The following SLCO2B1 variants were observed in gnomAD, a reference collection of about 807,000 sequenced individuals.
The protein encoded by SLCO2B1 is OATP-RP2.
A neutral mutation model predicts 67.3 loss-of-function variants in SLCO2B1; 41 were observed. That is an observed-to-expected ratio of 0.61 (90% CI 0.47 to 0.79). The LOEUF (loss-of-function observed/expected upper bound fraction) is 0.79, where lower values mean the gene tolerates loss of function less well. Ranked by LOEUF, SLCO2B1 falls within the 30% of genes least tolerant of loss-of-function variation. SLCO2B1 has a pLI of 0.00. For missense variants in SLCO2B1, 837 were observed against 920.1 expected, an observed-to-expected ratio of 0.91 and a Z score of 1.17; for synonymous variants, 379 against 381.4, an observed-to-expected ratio of 0.99 and a Z score of 0.07.
intron 6 of SLCO2B1, among the ~76,000 whole-genome samples, chr11:75,170,561 C>T (rs1342678344): frequency 6.6e-6 from 1 of 152,206 alleles, no homozygotes; most frequent in African/African-American, 2.4e-5. Context: ...CCATTCTCAC[C>T]TGCAGACTTT....
intron 1 of SLCO2B1, among the ~76,000 whole-genome samples, chr11:75,158,050 T>C (rs890277924): frequency 6.6e-6 from 1 of 152,170 alleles, no homozygotes; most frequent in African/African-American, 2.4e-5. Context: ...TTTTAGTTTT[T>C]ATTATATTGA....
intron 4 of SLCO2B1, 56 bp downstream of exon 4, chr11:75,166,005 GC>G: frequency 6.4e-7 from 1 of 1,559,336 alleles, no homozygotes. Context: ...ATTGCTTTGC[GC>G]TGGGGCCCAC....
At chr11:75,153,520 GC>G (rs1949714469) in intron 1 of SLCO2B1, among the ~76,000 whole-genome samples, 1 of 152,210 alleles carries the variant, frequency 6.6e-6, no homozygotes, top group Non-Finnish European at 1.5e-5. Flanking sequence ...GTGGAGGCCA[GC>G]CCCCAGGTCT....
chr11:75,169,883 T>C, intron 6 of SLCO2B1, 119 bp downstream of exon 6: 1 of 711,082 alleles, frequency 1.4e-6, no homozygotes, highest in South Asian at 1.7e-5. Context: ...CTTGGGCAAG[T>C]CTCTTAGCCT....
intron 7 of SLCO2B1, among the ~76,000 whole-genome samples, chr11:75,178,384 G>T (rs757439066): frequency 2.0e-5 from 3 of 152,188 alleles, no homozygotes; most frequent in African/African-American, 7.2e-5. Flanking sequence ...CTTGTTCTTG[G>T]CATCTTTCTC....
chr11:75,169,343 C>A lies in SLCO2B1; in HGVS notation c.619C>A (p.Gln207Lys). 1 of 1,613,922 alleles carries A rather than the reference C, an allele frequency of 6.2e-7. No homozygotes were observed. The highest frequency in any genetic ancestry group is 1.1e-5 in the South Asian group (1 of 91,082). ...GCTGGGCGTGGGCGGGGTGCCCATT[C>A]AGCCCTTTGGCATCTCCTACATCGA... is the stretch of plus-strand genomic sequence containing the variant. ...TLLGVGGVPI[Q>K]PFGISYIDDF... The change falls in exon 5 of 14, where the codon CAG becomes AAG. Residue 207 changes from glutamine to lysine, a missense_variant. Physicochemically the swap from Gln to Lys is moderately conservative, Grantham distance 53. Coordinates refer to ENST00000289575, the MANE Select transcript of SLCO2B1 (RefSeq NM_007256.5).
At chr11:75,170,933 C>T (rs1462576681) in intron 6 of SLCO2B1, among the ~76,000 whole-genome samples, 3 of 152,104 alleles carry the variant, frequency 2.0e-5, no homozygotes, top group African/African-American at 7.2e-5. Flanking sequence ...TTCTGTGGAC[C>T]GACCTGCCAC....
chr11:75,189,911 G>A (rs1480928517), intron 8 of SLCO2B1, among the ~76,000 whole-genome samples: 2 of 151,370 alleles, frequency 1.3e-5, no homozygotes, highest in African/African-American at 4.9e-5. Context: ...GCAATGAGCT[G>A]TGATCTGGCC....
chr11:75,202,349 T>C (rs138445743), intron 11 of SLCO2B1: 206 of 154,814 alleles, frequency 1.3e-3, no homozygotes, highest in African/African-American at 4.4e-3. Flanking sequence ...CTGTCAGCCA[T>C]GAGATCTTGG....
intron 1 of SLCO2B1, among the ~76,000 whole-genome samples, chr11:75,158,163 C>T (rs1181767138): frequency 6.6e-6 from 1 of 152,128 alleles, no homozygotes; most frequent in Non-Finnish European, 1.5e-5. Flanking sequence ...CAACCTCTGA[C>T]TCCCAGGCTC....
chr11:75,197,275 A>G (rs1945114309), intron 10 of SLCO2B1, among the ~76,000 whole-genome samples: 1 of 152,258 alleles, frequency 6.6e-6, no homozygotes, highest in Non-Finnish European at 1.5e-5. Flanking sequence ...CTACAAGCAC[A>G]TACAAAGATG....
At chr11:75,175,925 G>A (rs998601002) in intron 7 of SLCO2B1, among the ~76,000 whole-genome samples, 2 of 152,168 alleles carry the variant, frequency 1.3e-5, no homozygotes, top group African/African-American at 4.8e-5. Context: ...TGGGATTGGG[G>A]GAGGCCATGC....
chr11:75,179,535 A>G (rs1950069619), intron 7 of SLCO2B1, among the ~76,000 whole-genome samples: 1 of 151,918 alleles, frequency 6.6e-6, no homozygotes, highest in Non-Finnish European at 1.5e-5. Context: ...CCCAGCCTAC[A>G]TGAGATATTT....
At chr11:75,153,231 T>C (rs1403371739) in intron 1 of SLCO2B1, among the ~76,000 whole-genome samples, 3 of 152,202 alleles carry the variant, frequency 2.0e-5, no homozygotes, top group African/African-American at 7.2e-5. Context: ...GGGTAACCTC[T>C]CCCATATGCT....
chr11:75,167,895 C>CT (rs561140005), intron 4 of SLCO2B1, among the ~76,000 whole-genome samples: 38,923 of 134,204 alleles, frequency 0.29, 6,250 homozygotes, highest in Admixed American at 0.41. Flanking sequence ...TTCTTTCTTT[C>CT]TTTTTTTTTT....
chr11:75,159,490 G>T (rs772347910), intron 1 of SLCO2B1, among the ~76,000 whole-genome samples: 5 of 152,250 alleles, frequency 3.3e-5, no homozygotes, highest in Non-Finnish European at 5.9e-5. Flanking sequence ...ACAGCACAGG[G>T]CAGGGTCTCA....
At chr11:75,170,258 G>A (rs1425337604) in intron 6 of SLCO2B1, among the ~76,000 whole-genome samples, 1 of 152,226 alleles carries the variant, frequency 6.6e-6, no homozygotes, top group Non-Finnish European at 1.5e-5. Context: ...GCCTCTCTCA[G>A]ATGGGACATT....
chr11:75,173,165 A>G (rs1949985561), intron 7 of SLCO2B1, among the ~76,000 whole-genome samples: 1 of 152,112 alleles, frequency 6.6e-6, no homozygotes, highest in Non-Finnish European at 1.5e-5. Context: ...AACCACTACA[A>G]TATGGCCTCT....
intron 3 of SLCO2B1, among the ~76,000 whole-genome samples, 172 bp downstream of exon 3, chr11:75,164,272 G>A (rs532421210): frequency 6.6e-6 from 1 of 151,994 alleles, no homozygotes; most frequent in South Asian, 2.1e-4. Flanking sequence ...CTGTCTTCTA[G>A]GACTTGGACT....
Sources: gnomAD v4.1 joint callset for allele counts (sites outside exome capture counted in the v4.1 genomes callset) on GRCh38, gnomAD v4.1.1 for gene constraint, MANE v1.5 for transcripts, NCBI Gene and HGNC (gene_info 2026-07-23, HGNC 2026-07-21) for gene names.